Variants in SLC9A8 observed in about 807,000 individuals in gnomAD.
The protein encoded by SLC9A8 is solute carrier family 9 member A8.
In SLC9A8, 48 loss-of-function variants were observed where a neutral mutation model predicts 66.6. That is an observed-to-expected ratio of 0.72 (90% CI 0.57 to 0.92). SLC9A8 has a LOEUF of 0.92. SLC9A8 is among the 40% of genes least tolerant of loss of function. The pLI is 0.00. For missense variants in SLC9A8, 599 were observed against 747.3 expected (o/e 0.80, Z 2.31); for synonymous variants, 274 against 282.6 (o/e 0.97, Z 0.31).
chr20:49,858,269 A>G (rs189340267), intron 8 of SLC9A8, among the ~76,000 whole-genome samples: 167 of 152,040 alleles, frequency 1.1e-3, no homozygotes, highest in African/African-American at 3.7e-3. Flanking sequence ...CTATAGCTTT[A>G]TTAGGATATT....
At chr20:49,815,475 G>A (rs1356469752) in intron 2 of SLC9A8, 3 of 250,186 alleles carry the variant, frequency 1.2e-5, no homozygotes, top group East Asian at 7.6e-5. Context: ...GAGGCCTGGC[G>A]CGGTGGCTCA....
rs536976263 is a variant in SLC9A8 at position 49,879,104 on chromosome 20, C to T, written c.1158+1041C>T. Among the ~76,000 whole-genome samples, 3 of 152,046 alleles carry T rather than the reference C, an allele frequency of 2.0e-5. No individual in the cohort carries two copies. The East Asian group carries it at 5.8e-4, about 29-fold the overall frequency. On this transcript the variant is annotated intron_variant, in intron 12 of 15. Transcript: ENST00000361573. ...TGATCAAACCTGAAACAAGTGTAGG[C>T]ATGGAAGATTGGATTTCAGTGGGTG... is the stretch of plus-strand genomic sequence containing the variant.
At chr20:49,827,345 G>A (rs1429125570) in intron 3 of SLC9A8, among the ~76,000 whole-genome samples, 1 of 150,514 alleles carries the variant, frequency 6.6e-6, no homozygotes, top group Non-Finnish European at 1.5e-5. Context: ...GCTCATGCCT[G>A]TAATCCCAGC....
rs1215382095 is a variant in SLC9A8 at position 49,886,689 on chromosome 20, C to G, written c.1492-63C>G. ...GGCGGCCTGGGTGGTGTGGGGGCTT[C>G]CAGGAGGTGCCCCCCGATGGTGCCA... On this transcript the variant is annotated intron_variant, in intron 14 of 15. Transcript: ENST00000361573. The surrounding 1 kb of genome is among the most constrained non-coding windows in gnomAD (Gnocchi z 4.8). The G allele has an allele frequency of 4.4e-6, 7 of 1,576,332 alleles. No individual in the cohort carries two copies. The Admixed American group carries it at 1.2e-4, about 28-fold the overall frequency.
chr20:49,887,730 C>G, intron 15 of SLC9A8, 99 bp from the exon 16 acceptor site: 3 of 868,272 alleles, frequency 3.5e-6, no homozygotes, highest in Non-Finnish European at 3.6e-6. Flanking sequence ...CCTCCCACCT[C>G]CTCCCTAGAC....
chr20:49,827,911 A>G (rs973295259), intron 3 of SLC9A8, among the ~76,000 whole-genome samples: 3 of 152,066 alleles, frequency 2.0e-5, no homozygotes, highest in Non-Finnish European at 2.9e-5. Flanking sequence ...TTTAAACCAT[A>G]TTTGTGCTAT....
chr20:49,813,145 A>G lies in SLC9A8; in HGVS notation c.26+197A>G, dbSNP rs8121924. Among the ~76,000 whole-genome samples the G allele has an allele frequency of 0.092, 13,995 of 152,268 alleles. 723 individuals are homozygous for G. Among genetic ancestry groups the G allele is most frequent in the Middle Eastern group, 0.13 (37 of 294 alleles). On this transcript the variant is annotated intron_variant, in intron 1 of 15. Transcript: ENST00000361573. ...AGGTGGGCCTTGCTTTCCCCTGGAGATCGGTCCCTCGAGCTGGGAATCTAC... is the reference window on the plus strand; with the variant it reads ...AGGTGGGCCTTGCTTTCCCCTGGAGGTCGGTCCCTCGAGCTGGGAATCTAC...
rs1555848218 is a variant in SLC9A8, at chr20:49,884,227, C to CACACGCG, written c.1491+165_1491+166insGCGACAC. ...ACACACACACACACACACACACACACACACACACACACACGACACACACAC... is the reference window on the plus strand; with the variant it reads ...ACACACACACACACACACACACACACACACGCGACACACACACACACGACACACACAC... On this transcript the variant is annotated intron_variant, in intron 14 of 15. Transcript: ENST00000361573. 5.6e-4 allele frequency: 122 copies of CACACGCG among 216,238 alleles called. 1 individual carries two copies. The highest frequency in any genetic ancestry group is 1.4e-3 in the South Asian group (36 of 25,642). The allele number at this position is 216,238 out of a possible 1,614,324, so 13.4% of individuals were successfully genotyped here. A position where few individuals can be genotyped will look rare whatever the true frequency, so the allele number is the denominator to read the frequency against.
intron 3 of SLC9A8, among the ~76,000 whole-genome samples, chr20:49,826,530 A>G (rs2086917225): frequency 6.6e-6 from 1 of 152,210 alleles, no homozygotes; most frequent in African/African-American, 2.4e-5. Context: ...AATTCTCAGT[A>G]TAGAAAAGGA....
chr20:49,818,615 C>G (rs767241386), intron 2 of SLC9A8, among the ~76,000 whole-genome samples: 5 of 151,966 alleles, frequency 3.3e-5, no homozygotes, highest in Middle Eastern at 3.4e-3. Flanking sequence ...CTCAGCCTCC[C>G]AAGTAGCTGG....
intron 2 of SLC9A8, among the ~76,000 whole-genome samples, chr20:49,817,453 TG>T (rs1335750405): frequency 3.4e-5 from 5 of 147,602 alleles, no homozygotes; most frequent in East Asian, 2.4e-4. Context: ...AAGGTGCAAC[TG>T]TTTTTTTTTT....
rs562708052 is a variant in SLC9A8 at position 49,888,067 on chromosome 20, A to G, written c.*131A>G. On this transcript the variant is annotated 3_prime_UTR_variant, in exon 16 of 16. Transcript: ENST00000361573. Reference sequence around the variant, plus strand: ...AAGACATAAGAGGGCGGGGCGAGGTACTGGCTGCAGAGTCGCCTTAGTCCA... The same window carrying G: ...AAGACATAAGAGGGCGGGGCGAGGTGCTGGCTGCAGAGTCGCCTTAGTCCA... The G allele has an allele frequency of 2.6e-5, 18 of 702,404 alleles. No homozygotes were observed. The highest frequency in any genetic ancestry group is 7.2e-5 in the Admixed American group (3 of 41,806). The allele number at this position is 702,404 out of a possible 1,614,324, so 43.5% of individuals were successfully genotyped here.
In SLC9A8 at chr20:49,815,074, G is replaced by A. The variant is rs992678965; in HGVS notation, c.93G>A (p.Thr31=). 2.5e-6 allele frequency: 4 copies of A among 1,609,138 alleles called. No individual in the cohort carries two copies. The highest frequency in any genetic ancestry group is 1.1e-5 in the South Asian group (1 of 89,992). Residue 31 remains threonine, a synonymous_variant, in exon 2 of 16, where the codon ACG becomes ACA. Transcript: ENST00000361573. ...TCCACACCACCCTGGTTGTCACGAC[G>A]AAACTGGTGCTCCCGACCCCTGGCA... ...VTLHTTLVVT[T]KLVLPTPGKP... is the part of the protein sequence containing the mutation.
At chr20:49,830,973 C>T (rs1444275107) in intron 3 of SLC9A8, 18 of 765,134 alleles carry the variant, frequency 2.4e-5, no homozygotes, top group Admixed American at 1.4e-4. Flanking sequence ...CTGGGCAATG[C>T]GGTCAACTCT....
intron 3 of SLC9A8, among the ~76,000 whole-genome samples, chr20:49,824,955 CAGAT>C (rs1176160039): frequency 6.6e-6 from 1 of 152,176 alleles, no homozygotes; most frequent in African/African-American, 2.4e-5. Flanking sequence ...GTTTTCCTCT[CAGAT>C]AGTAATGAGA....
chr20:49,838,647 A>G (rs1451045128), intron 3 of SLC9A8, among the ~76,000 whole-genome samples: 1 of 152,040 alleles, frequency 6.6e-6, no homozygotes, highest in African/African-American at 2.4e-5. Context: ...CCACCCAGTA[A>G]GCTGTGCTTC....
At chr20:49,875,452 G>A (rs2089387931) in intron 11 of SLC9A8, among the ~76,000 whole-genome samples, 1 of 152,170 alleles carries the variant, frequency 6.6e-6, no homozygotes, top group African/African-American at 2.4e-5. Flanking sequence ...CTTGTCCACA[G>A]AATCCTTTAT....
At chr20:49,825,552 G>A (rs761001896) in intron 3 of SLC9A8, among the ~76,000 whole-genome samples, 4 of 152,142 alleles carry the variant, frequency 2.6e-5, no homozygotes, top group Non-Finnish European at 5.9e-5. Context: ...TGAAGCAATA[G>A]AACCACTTGA....
intron 2 of SLC9A8, among the ~76,000 whole-genome samples, chr20:49,821,455 G>A (rs2086735434): frequency 6.6e-6 from 1 of 152,168 alleles, no homozygotes; most frequent in Non-Finnish European, 1.5e-5. Flanking sequence ...TAACACCACA[G>A]ATTGATAGTT....
Sources: allele counts gnomAD v4.1 joint callset (sites outside exome capture counted in the v4.1 genomes callset), GRCh38; gene constraint gnomAD v4.1.1; non-coding constraint Gnocchi (gnomAD v3.1); transcripts MANE v1.5; gene names NCBI Gene and HGNC (gene_info 2026-07-23, HGNC 2026-07-21).